KIAA0825: variants seen among roughly 807,000 people sequenced by gnomAD.
KIAA0825 encodes KIAA0825.
In KIAA0825, 119 loss-of-function variants were observed where a neutral mutation model predicts 147.6. That is an observed-to-expected ratio of 0.81 (90% CI 0.69 to 0.94). The LOEUF is 0.94. Ranked by LOEUF, KIAA0825 falls within the 40% of genes least tolerant of loss-of-function variation. KIAA0825 has a pLI of 0.00. For missense variants in KIAA0825, 1,381 were observed against 1,472.7 expected (o/e 0.94, Z 1.02); for synonymous variants, 470 against 518.1 (o/e 0.91, Z 1.26).
intron 4 of KIAA0825, among the ~76,000 whole-genome samples, chr5:94,521,884 T>C (rs1768276826): frequency 6.6e-6 from 1 of 151,714 alleles, no homozygotes; most frequent in South Asian, 2.1e-4. Flanking sequence ...TCAGGCTGGC[T>C]TTACAATTTC....
intron 13 of KIAA0825, among the ~76,000 whole-genome samples, chr5:94,443,521 T>G (rs1489462225): frequency 6.6e-6 from 1 of 152,096 alleles, no homozygotes; most frequent in Non-Finnish European, 1.5e-5. Flanking sequence ...CAGCTTATAC[T>G]GCAATAAGTG....
chr5:94,324,928 C>T (rs1428825682), intron 20 of KIAA0825, among the ~76,000 whole-genome samples: 2 of 151,854 alleles, frequency 1.3e-5, no homozygotes, highest in East Asian at 3.9e-4. Flanking sequence ...AAAATGATAC[C>T]TGCCACTAAA....
Position 94,153,079 on chromosome 5 carries a change from T to G in KIAA0825, c.*928A>C, listed in dbSNP as rs1302623192. The G allele has an allele frequency of 6.6e-6, 1 of 150,548 alleles. No homozygotes were observed. Among genetic ancestry groups the G allele is most frequent in the African/African-American group, 2.4e-5 (1 of 40,946 alleles). 9.3% of individuals were successfully genotyped at this position (150,548 alleles called of 1,614,324 possible). A position where few individuals can be genotyped will look rare whatever the true frequency, so the allele number is the denominator to read the frequency against. On this transcript the variant is annotated 3_prime_UTR_variant, in exon 21 of 21. Coordinates refer to ENST00000682413, the MANE Select transcript of KIAA0825 (RefSeq NM_001145678.3). ...GACTTCATATTATATCATAATATCT[T>G]CAATGTCTTTATAATCTAATATCAG...
intron 17 of KIAA0825, among the ~76,000 whole-genome samples, chr5:94,393,193 G>A (rs1258694982): frequency 6.6e-6 from 1 of 152,180 alleles, no homozygotes; most frequent in Non-Finnish European, 1.5e-5. Flanking sequence ...CATGTCATTA[G>A]GGAGAATGTG....
At chr5:94,196,794 T>A (rs1771174833) in intron 20 of KIAA0825, among the ~76,000 whole-genome samples, 1 of 152,224 alleles carries the variant, frequency 6.6e-6, no homozygotes, top group East Asian at 1.9e-4. Flanking sequence ...GCAAAGAACA[T>A]TATTTCATTT....
chr5:94,480,614 A>G lies in KIAA0825; in HGVS notation c.1133-3409T>C, dbSNP rs573838131. ...AGTTTAAGACTTACGGAAAAAGTTAATTATCTTGTATTTATCATTTCACTC... is the reference window on the plus strand; with the variant it reads ...AGTTTAAGACTTACGGAAAAAGTTAGTTATCTTGTATTTATCATTTCACTC... On this transcript the variant is annotated intron_variant, in intron 6 of 20. Coordinates refer to ENST00000682413, the MANE Select transcript of KIAA0825 (RefSeq NM_001145678.3). 9.9e-5 allele frequency among the ~76,000 whole-genome samples: 15 copies of G among 152,144 alleles called. 1 individual carries two copies. Among genetic ancestry groups the G allele is most frequent in the Admixed American group, 2.6e-4 (4 of 15,266 alleles).
chr5:94,431,418 C>G (rs71641017), intron 14 of KIAA0825, among the ~76,000 whole-genome samples: 17,334 of 152,148 alleles, frequency 0.11, 1,140 homozygotes, highest in Middle Eastern at 0.19. Flanking sequence ...TGTCATGAAC[C>G]AGGCCAGGCA....
rs952563415 is a variant in KIAA0825 at position 94,507,395 on chromosome 5, G to A, written c.970+12853C>T. ...TTGAATCCAGGAGGCGGAGGCTGCA[G>A]TAAGCTGAGATTGCACCACTGCACT... is the stretch of plus-strand genomic sequence containing the variant. On this transcript the variant is annotated intron_variant, in intron 5 of 20. Transcript: ENST00000682413. Among the ~76,000 whole-genome samples, 13 of 152,290 alleles carry A rather than the reference G, an allele frequency of 8.5e-5. No homozygotes were observed. The East Asian group carries it at 2.3e-3, about 27-fold the overall frequency.
intron 20 of KIAA0825, among the ~76,000 whole-genome samples, chr5:94,194,879 A>G (rs1315538461): frequency 6.6e-6 from 1 of 152,198 alleles, no homozygotes; most frequent in African/African-American, 2.4e-5. Flanking sequence ...CCATGTGTTC[A>G]TCTTTTCTTA....
chr5:94,514,804 G>C (rs909734366), intron 5 of KIAA0825, among the ~76,000 whole-genome samples: 8 of 152,038 alleles, frequency 5.3e-5, no homozygotes, highest in Non-Finnish European at 1.0e-4. Flanking sequence ...CTTCTCTTTG[G>C]TTTGAGGGCC....
chr5:94,344,476 T>C (rs1465611337), intron 20 of KIAA0825, among the ~76,000 whole-genome samples: 1 of 152,294 alleles, frequency 6.6e-6, no homozygotes, highest in South Asian at 2.1e-4. Flanking sequence ...TAATGTAAAA[T>C]AGTACAGCTG....
chr5:94,341,025 CTCTCAAAGATGTT>C (rs1460262884), intron 20 of KIAA0825, among the ~76,000 whole-genome samples: 1 of 152,086 alleles, frequency 6.6e-6, no homozygotes, highest in African/African-American at 2.4e-5. Flanking sequence ...GGTATTCTGT[CTCTCAAAGATGTT>C]TCTTTGTGTT....
intron 20 of KIAA0825, among the ~76,000 whole-genome samples, chr5:94,241,303 A>T (rs1775331820): frequency 6.6e-6 from 1 of 152,210 alleles, no homozygotes; most frequent in Non-Finnish European, 1.5e-5. Context: ...CCTGGCCAAA[A>T]ATTTACAAGA....
chr5:94,154,176 A>C lies in KIAA0825; in HGVS notation c.3711-52T>G, dbSNP rs897345107. 3 of 1,100,248 alleles carry C rather than the reference A, an allele frequency of 2.7e-6. No individual in the cohort carries two copies. In the African/African-American group the frequency reaches 4.7e-5, roughly 17 times the overall value. 68.2% of individuals were successfully genotyped at this position (1,100,248 alleles called of 1,614,324 possible). A position where few individuals can be genotyped will look rare whatever the true frequency, so the allele number is the denominator to read the frequency against. On this transcript the variant is annotated intron_variant, in intron 20 of 20. Transcript: ENST00000682413. ...TTTTGTAACTTTCAAACCACAGGTCAACACTCAGTTAATCAAGTCTTGAAT... is the reference window on the plus strand; with the variant it reads ...TTTTGTAACTTTCAAACCACAGGTCCACACTCAGTTAATCAAGTCTTGAAT...
At chr5:94,404,640 A>T (rs1345176894) in intron 15 of KIAA0825, among the ~76,000 whole-genome samples, 2 of 152,176 alleles carry the variant, frequency 1.3e-5, no homozygotes, top group Non-Finnish European at 2.9e-5. Context: ...TTAATTCTTC[A>T]TTATCAGCAT....
At chr5:94,284,990 C>T (rs959716457) in intron 20 of KIAA0825, among the ~76,000 whole-genome samples, 2 of 152,018 alleles carry the variant, frequency 1.3e-5, no homozygotes, top group African/African-American at 4.8e-5. Context: ...TGTACATATG[C>T]TTGGTGTTTC....
chr5:94,384,274 A>G, intron 20 of KIAA0825, 94 bp downstream of exon 20: 1 of 835,126 alleles, frequency 1.2e-6, no homozygotes, highest in Non-Finnish European at 1.9e-6. Context: ...TCCCAAAAGT[A>G]TGCTAGTAAA....
chr5:94,539,003 A>C (rs564191876), intron 2 of KIAA0825, among the ~76,000 whole-genome samples: 68 of 152,352 alleles, frequency 4.5e-4, no homozygotes, highest in East Asian at 4.0e-3. Flanking sequence ...CTTCATTCCC[A>C]GATGGTTAAG....
intron 1 of KIAA0825, among the ~76,000 whole-genome samples, chr5:94,585,396 T>C (rs1783072515): frequency 2.0e-5 from 3 of 152,162 alleles, no homozygotes; most frequent in African/African-American, 4.8e-5. Flanking sequence ...AATCCTGGTC[T>C]CTGATGAAAC....
Sources: allele counts gnomAD v4.1 joint callset (sites outside exome capture counted in the v4.1 genomes callset), GRCh38; gene constraint gnomAD v4.1.1; transcripts MANE v1.5; gene names NCBI Gene and HGNC (gene_info 2026-07-23, HGNC 2026-07-21).